Variants in NEDD9 observed in about 807,000 individuals in gnomAD.
The protein encoded by NEDD9 is neural precursor cell expressed, developmentally down-regulated 9.
A neutral mutation model predicts 76.6 loss-of-function variants in NEDD9; 26 were observed. That is an observed-to-expected ratio of 0.34 (90% CI 0.25 to 0.47). The LOEUF is 0.47. Ranked by LOEUF, NEDD9 falls within the 20% of genes least tolerant of loss-of-function variation. The pLI is 1.00. For missense variants in NEDD9, 937 were observed against 1,058.5 expected (o/e 0.89, Z 1.59); for synonymous variants, 392 against 414.2 (o/e 0.95, Z 0.65).
intron 1 of NEDD9, among the ~76,000 whole-genome samples, chr6:11,224,760 G>A (rs1390995794): frequency 1.3e-5 from 2 of 152,142 alleles, no homozygotes; most frequent in Non-Finnish European, 2.9e-5. Flanking sequence ...TTTGGGAGGC[G>A]GAGGGTGTTG....
intron 1 of NEDD9, among the ~76,000 whole-genome samples, chr6:11,381,759 T>C (rs1043581510): frequency 3.3e-5 from 5 of 152,080 alleles, no homozygotes; most frequent in African/African-American, 1.2e-4. Context: ...CCATAAAGAA[T>C]AAGTGACGGC....
rs940298484 is a variant in NEDD9, at chr6:11,184,598, A to G, written c.*564T>C. ...GAGGGCTTTTGGGCACTTGGCCATC[A>G]TGTGTTTAAGATGGTCAGTTTTGAA... On this transcript the variant is annotated 3_prime_UTR_variant, in exon 7 of 7. Coordinates refer to ENST00000379446, the MANE Select transcript of NEDD9 (RefSeq NM_006403.4). 6.5e-6 allele frequency: 1 copy of G among 152,852 alleles called. No homozygotes were observed. Among genetic ancestry groups the G allele is most frequent in the East Asian group, 1.9e-4 (1 of 5,206 alleles). 9.5% of individuals were successfully genotyped at this position (152,852 alleles called of 1,614,324 possible). A position where few individuals can be genotyped will look rare whatever the true frequency, so the allele number is the denominator to read the frequency against.
chr6:11,344,703 G>A (rs1392289891), intron 1 of NEDD9, among the ~76,000 whole-genome samples: 3 of 152,128 alleles, frequency 2.0e-5, no homozygotes, highest in Non-Finnish European at 2.9e-5. Flanking sequence ...CCAGCACTGC[G>A]CCTCTCCTCC....
Position 11,250,288 on chromosome 6 carries a change from G to C in NEDD9, c.13-36561C>G, listed in dbSNP as rs771771669. ...GTGAGAGTTAGAGCCCCCATGACAAGCACAGTAGCCAAAACCTAAATCTAA... is the reference window on the plus strand; with the variant it reads ...GTGAGAGTTAGAGCCCCCATGACAACCACAGTAGCCAAAACCTAAATCTAA... On this transcript the variant is annotated intron_variant, in intron 3 of 3. Coordinates refer to the NEDD9 transcript ENST00000397378. Among the ~76,000 whole-genome samples, 55 of 152,180 alleles carry C rather than the reference G, an allele frequency of 3.6e-4. 1 individual carries two copies. The highest frequency in any genetic ancestry group is 6.0e-4 in the Non-Finnish European group (41 of 68,036).
intron 4 of NEDD9, 69 bp downstream of exon 4, chr6:11,192,274 CAA>C: frequency 2.1e-5 from 7 of 334,346 alleles, no homozygotes; most frequent in Non-Finnish European, 3.1e-5. Context: ...CCCACCCTCC[CAA>C]CCCTGCACCC....
Position 11,213,270 on chromosome 6 carries a change from C to A in NEDD9, c.459+11G>T. The A allele has an allele frequency of 1.3e-6, 2 of 1,576,086 alleles. No homozygotes were observed. The highest frequency in any genetic ancestry group is 1.1e-5 in the South Asian group (1 of 87,556). On this transcript the variant is annotated intron_variant, in intron 2 of 6. Transcript: ENST00000379446. The surrounding 1 kb of genome is among the most constrained non-coding windows in gnomAD (Gnocchi z 5.4). ...AAGTAGGAACAAAAATTTAGTTAGT[C>A]ATTTACTCACCTTTTTACCCACGTG...
At chr6:11,323,869 A>G (rs1242498567) in intron 2 of NEDD9, among the ~76,000 whole-genome samples, 1 of 152,220 alleles carries the variant, frequency 6.6e-6, no homozygotes, top group Non-Finnish European at 1.5e-5. Flanking sequence ...TTTCCCACCC[A>G]TTCTTAACGA....
chr6:11,288,933 T>C (rs773941353), intron 3 of NEDD9, among the ~76,000 whole-genome samples: 10 of 152,230 alleles, frequency 6.6e-5, no homozygotes, highest in Admixed American at 3.9e-4. Flanking sequence ...GCCATTTTGT[T>C]TTACTAGTGT....
chr6:11,358,194 A>C (rs1762615466), intron 1 of NEDD9, among the ~76,000 whole-genome samples: 1 of 139,136 alleles, frequency 7.2e-6, no homozygotes, highest in Non-Finnish European at 1.5e-5. Context: ...GGTTGCAGTG[A>C]GCTGAGATCA....
intron 3 of NEDD9, among the ~76,000 whole-genome samples, chr6:11,250,099 T>C (rs886768880): frequency 2.0e-5 from 3 of 152,118 alleles, no homozygotes; most frequent in Admixed American, 2.0e-4. Flanking sequence ...AAAGACACAG[T>C]CAGACATCCA....
intron 3 of NEDD9, among the ~76,000 whole-genome samples, chr6:11,271,146 G>T (rs143197420): frequency 4.1e-4 from 62 of 152,156 alleles, no homozygotes; most frequent in South Asian, 2.9e-3. Flanking sequence ...TGATCCTCCC[G>T]ATTTAGTGTC....
At chr6:11,356,180 C>T (rs1356099802) in intron 1 of NEDD9, among the ~76,000 whole-genome samples, 7 of 152,104 alleles carry the variant, frequency 4.6e-5, no homozygotes, top group East Asian at 1.9e-4. Flanking sequence ...ACCTGCTCTC[C>T]GAGGGACCAC....
chr6:11,311,811 A>G (rs1394883537), intron 2 of NEDD9, among the ~76,000 whole-genome samples: 1 of 152,150 alleles, frequency 6.6e-6, no homozygotes, highest in Non-Finnish European at 1.5e-5. Context: ...TTCACTGGTG[A>G]CAGTCTGGTG....
At chr6:11,273,115 C>T (rs1760346725) in intron 3 of NEDD9, among the ~76,000 whole-genome samples, 1 of 152,136 alleles carries the variant, frequency 6.6e-6, no homozygotes, top group Admixed American at 6.5e-5. Flanking sequence ...AAAGACACTC[C>T]TATTGCTTAA....
At chr6:11,378,821 C>T (rs972778094) in intron 1 of NEDD9, among the ~76,000 whole-genome samples, 2 of 152,112 alleles carry the variant, frequency 1.3e-5, no homozygotes, top group Non-Finnish European at 2.9e-5. Context: ...TAATCTGAAG[C>T]AAAAGTGAAA....
Position 11,191,135 on chromosome 6 carries a change from G to C in NEDD9, c.734C>G (p.Pro245Arg), listed in dbSNP as rs774818140. 1.2e-5 allele frequency: 20 copies of C among 1,613,876 alleles called. No individual in the cohort carries two copies. In the South Asian group the frequency reaches 1.4e-4, roughly 12 times the overall value. Residue 245 changes from proline to arginine, a missense_variant, in exon 5 of 7, where the codon CCT (proline) becomes CGT (arginine). Physicochemically the swap from Pro to Arg is moderately radical, Grantham distance 103. Transcript: ENST00000379446. Reference sequence around the variant, plus strand: ...CGGCCTTCCAGCTTGTCTCATGGGAGGGGGGAAGTCATAGTCTTTTTCCCT... The same window carrying C: ...CGGCCTTCCAGCTTGTCTCATGGGACGGGGGAAGTCATAGTCTTTTTCCCT... ...GLREKDYDFP[P>R]PMRQAGRPDL...
intron 2 of NEDD9, among the ~76,000 whole-genome samples, chr6:11,327,422 A>G (rs1395125514): frequency 1.3e-5 from 2 of 152,234 alleles, no homozygotes; most frequent in African/African-American, 4.8e-5. Context: ...TTGACATTTT[A>G]ATACACCTGT....
At chr6:11,382,151 T>G (rs1582059852) in exon 1 of NEDD9, 1 of 152,226 alleles carries the variant, frequency 6.6e-6, no homozygotes, top group South Asian at 2.1e-4. Flanking sequence ...AAGTGTAGGA[T>G]GGAACCGCTG....
intron 3 of NEDD9, among the ~76,000 whole-genome samples, chr6:11,275,231 T>C (rs1760391722): frequency 6.6e-6 from 1 of 152,096 alleles, no homozygotes; most frequent in African/African-American, 2.4e-5. Flanking sequence ...AAGGTGGTTA[T>C]GAGAGGCTAA....
Sources: allele counts gnomAD v4.1 joint callset (sites outside exome capture counted in the v4.1 genomes callset), GRCh38; gene constraint gnomAD v4.1.1; non-coding constraint Gnocchi (gnomAD v3.1); transcripts MANE v1.5; gene names NCBI Gene and HGNC (gene_info 2026-07-23, HGNC 2026-07-21).